Variants in RIN3 observed in about 807,000 individuals in gnomAD.
The protein encoded by RIN3 is Ras and Rab interactor 3.
Under a neutral mutation model 76.3 loss-of-function variants are expected in RIN3, and 54 were observed. That is an observed-to-expected ratio of 0.71 (90% CI 0.57 to 0.89). RIN3 has a LOEUF of 0.89. Among genes scored for constraint, RIN3 ranks in the 40% least tolerant of loss-of-function variants. The probability of loss-of-function intolerance (pLI) is 0.00; values close to 1 mark genes in which losing one functional copy is unlikely to be tolerated. For synonymous variants in RIN3, 576 were observed against 564.0 expected (o/e 1.02, Z -0.30); for missense variants, 1,256 against 1,322.1 (o/e 0.95, Z 0.78).
At chr14:92,563,292 C>T (rs570130910) in intron 2 of RIN3, among the ~76,000 whole-genome samples, 2 of 152,230 alleles carry the variant, frequency 1.3e-5, no homozygotes, top group African/African-American at 4.8e-5. Flanking sequence ...ACCCGGGAGG[C>T]AGAAGTTGCA....
chr14:92,584,793 G>T (rs935160476), intron 3 of RIN3, among the ~76,000 whole-genome samples: 26 of 152,144 alleles, frequency 1.7e-4, no homozygotes, highest in African/African-American at 5.8e-4. Flanking sequence ...GGGCTTTGAA[G>T]ATGGTGACAG....
chr14:92,514,039 C>G lies in RIN3; in HGVS notation c.44+63C>G, dbSNP rs1896368861. 9.2e-7 allele frequency: 1 copy of G among 1,087,266 alleles called. No homozygotes were observed. The highest frequency in any genetic ancestry group is 1.2e-6 in the Non-Finnish European group (1 of 854,278). 67.4% of individuals were successfully genotyped at this position (1,087,266 alleles called of 1,614,324 possible). On this transcript the variant is annotated intron_variant, in intron 1 of 9. Coordinates refer to ENST00000216487, the MANE Select transcript of RIN3 (RefSeq NM_024832.5). This position sits in a 1 kb window ranked among gnomAD's most constrained non-coding sequence, Gnocchi z 7.2. ...CCCACGGCCCGCGTCCTGGCCGCCC[C>G]ACTCCACTTCTTGTCCCAGAGAGTC...
At chr14:92,668,475 G>T (rs1020185898) in intron 7 of RIN3, among the ~76,000 whole-genome samples, 2 of 152,240 alleles carry the variant, frequency 1.3e-5, no homozygotes, top group African/African-American at 4.8e-5. Flanking sequence ...GGGAGCTGGA[G>T]TGTTTTCCTC....
At chr14:92,626,632 G>A (rs895580244) in intron 4 of RIN3, among the ~76,000 whole-genome samples, 2 of 152,162 alleles carry the variant, frequency 1.3e-5, no homozygotes, top group Admixed American at 6.5e-5. Flanking sequence ...GACTCATGGG[G>A]TGGTGGTAAT....
At position 92,615,553 on chromosome 14, in the gene RIN3, G is replaced by T. The variant is rs8022440; in HGVS notation, c.440+74G>T. The T allele has an allele frequency of 7.9e-3, 10,010 of 1,263,064 alleles. 600 individuals are homozygous for T. In the African/African-American group the frequency reaches 0.13, roughly 17 times the overall value. The allele number at this position is 1,263,064 out of a possible 1,614,324, so 78.2% of individuals were successfully genotyped here. On this transcript the variant is annotated intron_variant, in intron 4 of 9. Coordinates refer to ENST00000216487, the MANE Select transcript of RIN3 (RefSeq NM_024832.5). ...ACATGCAACCCTGGGTGGGTGCAGGGGACTTCACAGGGAAGCCCCAGAGGG... is the reference window on the plus strand; with the variant it reads ...ACATGCAACCCTGGGTGGGTGCAGGTGACTTCACAGGGAAGCCCCAGAGGG...
At chr14:92,631,536 A>G (rs892613819) in intron 4 of RIN3, among the ~76,000 whole-genome samples, 3 of 152,174 alleles carry the variant, frequency 2.0e-5, no homozygotes, top group Non-Finnish European at 4.4e-5. Context: ...TTAAAACTAC[A>G]GACTCCTCCC....
chr14:92,527,351 C>T (rs1213875155), intron 1 of RIN3, among the ~76,000 whole-genome samples: 3 of 152,126 alleles, frequency 2.0e-5, no homozygotes, highest in South Asian at 2.1e-4. Flanking sequence ...TGCACCTGGC[C>T]ATTTCTCCCT....
At position 92,661,723 on chromosome 14, in the gene RIN3, T is replaced by TCACACACACACACA. The variant is rs778646491; in HGVS notation, c.2335+2277_2335+2290dup. On this transcript the variant is annotated intron_variant, in intron 7 of 9. Transcript: ENST00000216487. ...TGGGTGGTGACAGAGTGAGACTCTG[T>TCACACACACACACA]CACACACACACACACACACACACAC... Among the ~76,000 whole-genome samples, 422 of 134,944 alleles carry TCACACACACACACA rather than the reference T, an allele frequency of 3.1e-3. 2 individuals carry two copies. The highest frequency in any genetic ancestry group is 0.011 in the African/African-American group (400 of 34,916). The allele number at this position is 134,944 out of a possible 152,430, so 88.5% of individuals were successfully genotyped here. A position where few individuals can be genotyped will look rare whatever the true frequency, so the allele number is the denominator to read the frequency against.
chr14:92,652,883 A>G lies in RIN3; in HGVS notation c.1834A>G (p.Lys612Glu), dbSNP rs1295853995. Residue 612 changes from lysine to glutamate, a missense_variant, in exon 6 of 10, where the codon AAG (lysine) becomes GAG (glutamate). Coordinates refer to ENST00000216487, the MANE Select transcript of RIN3 (RefSeq NM_024832.5). This position sits in a 1 kb window ranked among gnomAD's most constrained non-coding sequence, Gnocchi z 6.4. ...YKKVVELAQD[K>E]GSYFGSLVQD... is the part of the protein sequence containing the mutation. The stretch of plus-strand genomic sequence containing the variant: ...GAAGGTGGTGGAGCTGGCGCAGGAC[A>G]AGGGCTCGTACTTTGGCAGCCTGGT... 6.2e-7 allele frequency: 1 copy of G among 1,614,098 alleles called. No individual in the cohort carries two copies. Among genetic ancestry groups the G allele is most frequent in the Non-Finnish European group, 8.5e-7 (1 of 1,180,042 alleles).
chr14:92,584,957 T>C (rs963084016), intron 3 of RIN3, among the ~76,000 whole-genome samples: 1 of 152,208 alleles, frequency 6.6e-6, no homozygotes, highest in African/African-American at 2.4e-5. Context: ...TACCCCATGT[T>C]TCCCAGGTAG....
In RIN3 at chr14:92,672,491, G is replaced by A. The variant is rs1044006692; in HGVS notation, c.2336-3984G>A. On this transcript the variant is annotated intron_variant, in intron 7 of 9. Coordinates refer to ENST00000216487, the MANE Select transcript of RIN3 (RefSeq NM_024832.5). The stretch of plus-strand genomic sequence containing the variant: ...CACTAGTCTCTGTTACTCACACCAG[G>A]CTAGAACAGACTGCGCAGGCAAGGA... Among the ~76,000 whole-genome samples the A allele has an allele frequency of 6.6e-5, 10 of 152,322 alleles. 1 individual carries two copies. Among genetic ancestry groups the A allele is most frequent in the African/African-American group, 2.4e-4 (10 of 41,560 alleles).
chr14:92,585,390 C>T (rs954077669), intron 3 of RIN3, among the ~76,000 whole-genome samples: 2 of 152,156 alleles, frequency 1.3e-5, no homozygotes, highest in African/African-American at 2.4e-5. Flanking sequence ...TCTCCACTGC[C>T]CAGGAGGACT....
chr14:92,608,043 TA>T (rs1401907772), intron 3 of RIN3, among the ~76,000 whole-genome samples: 1 of 152,246 alleles, frequency 6.6e-6, no homozygotes, highest in African/African-American at 2.4e-5. Context: ...TATGAAGGGA[TA>T]GCACAAGGGA....
rs1327182855 is a variant in RIN3 at position 92,681,501 on chromosome 14, G to T, written c.2468-3486G>T. Reference sequence around the variant, plus strand: ...TCCTTTTCACAACTTTATGATGTTTGCAGATAAGGAAACTGAGGCATAGAG... The same window carrying T: ...TCCTTTTCACAACTTTATGATGTTTTCAGATAAGGAAACTGAGGCATAGAG... On this transcript the variant is annotated intron_variant, in intron 8 of 9. Transcript: ENST00000216487. This position sits in a 1 kb window ranked among gnomAD's most constrained non-coding sequence, Gnocchi z 4.7. Among the ~76,000 whole-genome samples the T allele has an allele frequency of 6.6e-6, 1 of 152,200 alleles. No individual in the cohort carries two copies. Among genetic ancestry groups the T allele is most frequent in the Non-Finnish European group, 1.5e-5 (1 of 68,046 alleles).
chr14:92,684,947 A>AGGC, intron 8 of RIN3, 40 bp from the exon 9 acceptor site: 1 of 1,585,416 alleles, frequency 6.3e-7, no homozygotes. Context: ...TGGTGGGCGG[A>AGGC]GGCGGTCCTG....
chr14:92,612,863 A>G (rs1885798645), intron 3 of RIN3, among the ~76,000 whole-genome samples: 1 of 152,040 alleles, frequency 6.6e-6, no homozygotes, highest in Non-Finnish European at 1.5e-5. Context: ...AAAGCGAATA[A>G]GCCCTAGTTC....
chr14:92,617,993 C>T (rs1176831656), intron 4 of RIN3, among the ~76,000 whole-genome samples: 2 of 152,302 alleles, frequency 1.3e-5, no homozygotes, highest in Admixed American at 1.3e-4. Context: ...AGAGTGAAGG[C>T]CTCCTGGCAA....
At position 92,653,076 on chromosome 14, in the gene RIN3, G is replaced by A; in HGVS notation, c.2026+1G>A. 8.8e-6 allele frequency: 14 copies of A among 1,598,366 alleles called. No homozygotes were observed. Among genetic ancestry groups the A allele is most frequent in the Non-Finnish European group, 1.1e-5 (13 of 1,177,338 alleles). On this transcript the variant is annotated splice_donor_variant, in intron 6 of 9. Transcript: ENST00000216487. LOFTEE classifies it high-confidence loss of function. ...GCCCTGCACTCCGAGGAGGAGCTCG[G>A]TCAGTGCCCTGGGAGGAGGTGGCAG...
At chr14:92,573,166 G>GCCA (rs1379072773) in intron 2 of RIN3, among the ~76,000 whole-genome samples, 1 of 152,140 alleles carries the variant, frequency 6.6e-6, no homozygotes, top group Non-Finnish European at 1.5e-5. Context: ...ACAGGCATGA[G>GCCA]CCACCGTGCC....
Sources: gnomAD v4.1 joint callset for allele counts (sites outside exome capture counted in the v4.1 genomes callset) on GRCh38, gnomAD v4.1.1 for gene constraint, Gnocchi (gnomAD v3.1) non-coding constraint, MANE v1.5 for transcripts, NCBI Gene and HGNC (gene_info 2026-07-23, HGNC 2026-07-21) for gene names.